SMARCA2: variants seen among roughly 807,000 people sequenced by gnomAD.
SMARCA2 encodes the protein SWI/SNF-related matrix-associated actin-dependent regulator of chromatin subfamily A member 2.
SMARCA2 carries 61 observed loss-of-function variants against 199.8 expected under a neutral mutation model. The ratio of observed to expected loss-of-function variants is 0.31; its 90% CI spans 0.25 to 0.38. The LOEUF (loss-of-function observed/expected upper bound fraction) is 0.38, where lower values mean the gene tolerates loss of function less well. SMARCA2 is among the 10% of genes least tolerant of loss of function. The pLI is 1.00. For missense variants in SMARCA2, 1,344 were observed against 2,012.2 expected, an observed-to-expected ratio of 0.67 and a Z score of 6.35; for synonymous variants, 935 against 732.0, an observed-to-expected ratio of 1.28 and a Z score of -4.48.
chr9:2,145,826 T>G (rs1164926727), intron 27 of SMARCA2, among the ~76,000 whole-genome samples: 1 of 152,052 alleles, frequency 6.6e-6, no homozygotes, highest in African/African-American at 2.4e-5. Flanking sequence ...GCATTATCTT[T>G]GTAAGAAGAA....
At chr9:2,134,111 A>T (rs979052864) in intron 27 of SMARCA2, among the ~76,000 whole-genome samples, 3 of 152,238 alleles carry the variant, frequency 2.0e-5, no homozygotes, top group Non-Finnish European at 2.9e-5. Context: ...ATTATTTCGA[A>T]GAAGACCTAA....
intron 33 of SMARCA2, 69 bp from the exon 34 acceptor site, chr9:2,192,635 T>G: frequency 9.2e-7 from 1 of 1,089,402 alleles, no homozygotes; most frequent in Non-Finnish European, 1.4e-6. Flanking sequence ...CTCTTGATGG[T>G]TTGTTGTTAT....
intron 19 of SMARCA2, among the ~76,000 whole-genome samples, chr9:2,089,482 AT>A (rs1346353545): frequency 1.3e-5 from 2 of 152,098 alleles, no homozygotes; most frequent in Non-Finnish European, 2.9e-5. Flanking sequence ...TTTTGGACAG[AT>A]TGGTTCATCC....
In SMARCA2 at chr9:2,176,030, G is replaced by A. The variant is rs147547679; in HGVS notation, c.4254-5541G>A. 1.3e-3 allele frequency among the ~76,000 whole-genome samples: 197 copies of A among 151,922 alleles called. 4 individuals are homozygous for A. In the East Asian group the frequency reaches 0.029, roughly 22 times the overall value. ...TGAGTAGCTGGGATTATAGCCATGC[G>A]CCACCATACTCGGCTAATTTTTTTA... is the stretch of plus-strand genomic sequence containing the variant. On this transcript the variant is annotated intron_variant, in intron 29 of 33. Coordinates refer to ENST00000349721, the MANE Select transcript of SMARCA2 (RefSeq NM_003070.5).
intron 29 of SMARCA2, among the ~76,000 whole-genome samples, chr9:2,174,124 C>T (rs1826405330): frequency 6.6e-6 from 1 of 152,138 alleles, no homozygotes; most frequent in Non-Finnish European, 1.5e-5. Flanking sequence ...GAATGCTTCC[C>T]CTTATCTTCC....
At chr9:2,070,574 T>C (rs1470023930) in intron 10 of SMARCA2, 103 bp downstream of exon 10, 8 of 795,614 alleles carry the variant, frequency 1.0e-5, no homozygotes, top group African/African-American at 1.7e-5. Flanking sequence ...TACTGTGCTA[T>C]TTATTTTAAG....
At chr9:2,183,553 C>T (rs1827208354) in intron 31 of SMARCA2, among the ~76,000 whole-genome samples, 2 of 152,240 alleles carry the variant, frequency 1.3e-5, no homozygotes, top group Admixed American at 6.5e-5. Context: ...TCAACCAATG[C>T]AGTGTCAAGC....
In SMARCA2 at chr9:2,110,179, C is replaced by G. The variant is rs1822934483; in HGVS notation, c.3293-75C>G. The G allele has an allele frequency of 1.7e-6, 2 of 1,211,792 alleles. No homozygotes were observed. The highest frequency in any genetic ancestry group is 3.1e-5 in the African/African-American group (2 of 65,360). The allele number at this position is 1,211,792 out of a possible 1,614,324, so 75.1% of individuals were successfully genotyped here. On this transcript the variant is annotated intron_variant, in intron 23 of 33. Transcript: ENST00000349721. The surrounding 1 kb of genome is among the most constrained non-coding windows in gnomAD (Gnocchi z 4.8). ...GTCTGGGTATATTTCTTGAAGGAAG[C>G]AAGCCTTTTTGTCTCATTCTGTGCC...
At chr9:2,065,700 A>AT (rs149603148) in intron 9 of SMARCA2, among the ~76,000 whole-genome samples, 8,122 of 151,972 alleles carry the variant, frequency 0.053, 602 homozygotes, top group African/African-American at 0.17. Context: ...GATTCTTCTC[A>AT]TTTTTTTTAA....
intron 1 of SMARCA2, among the ~76,000 whole-genome samples, chr9:2,025,581 C>T (rs138309951): frequency 1.2e-3 from 189 of 152,256 alleles, no homozygotes; most frequent in African/African-American, 4.3e-3. Context: ...TCTATTGTCT[C>T]ATTAGTGCTT....
At chr9:2,148,650 A>G (rs182766157) in intron 27 of SMARCA2, among the ~76,000 whole-genome samples, 5 of 151,322 alleles carry the variant, frequency 3.3e-5, no homozygotes, top group African/African-American at 1.2e-4. Context: ...TCTGAGACAC[A>G]CGCACATGCC....
At position 2,040,197 on chromosome 9, in the gene SMARCA2, A is replaced by G. The variant is rs116718506; in HGVS notation, c.790+297A>G. On this transcript the variant is annotated intron_variant, in intron 4 of 33. Transcript: ENST00000349721. ...GCGGTTCAAGGTTTCTTGGAAGCCC[A>G]TCCACACACACAAGGTTAAGAACCT... is the stretch of plus-strand genomic sequence containing the variant. 8.6e-4 allele frequency: 505 copies of G among 590,262 alleles called. 1 individual carries two copies. The highest frequency in any genetic ancestry group is 8.2e-3 in the African/African-American group (443 of 54,014). The allele number at this position is 590,262 out of a possible 1,614,324, so 36.6% of individuals were successfully genotyped here.
intron 27 of SMARCA2, among the ~76,000 whole-genome samples, chr9:2,136,108 G>A (rs1824183202): frequency 6.6e-6 from 1 of 151,776 alleles, no homozygotes; most frequent in Non-Finnish European, 1.5e-5. Flanking sequence ...CCAAAGTGCT[G>A]AGATTACAGG....
intron 27 of SMARCA2, among the ~76,000 whole-genome samples, chr9:2,124,947 C>A (rs758018278): frequency 1.3e-5 from 2 of 152,114 alleles, no homozygotes; most frequent in Non-Finnish European, 2.9e-5. Context: ...TGGGTAAAAA[C>A]CAAGCAAAAC....
At chr9:2,036,177 AGT>A (rs140964092) in intron 3 of SMARCA2, among the ~76,000 whole-genome samples, 4,396 of 147,164 alleles carry the variant, frequency 0.03, 125 homozygotes, top group African/African-American at 0.064. Flanking sequence ...ATATTTAAAT[AGT>A]GTGTGTGTGT....
intron 1 of SMARCA2, among the ~76,000 whole-genome samples, chr9:2,026,218 T>C (rs1484426085): frequency 6.6e-6 from 1 of 152,220 alleles, no homozygotes; most frequent in Non-Finnish European, 1.5e-5. Flanking sequence ...ATTAGTTATA[T>C]GGCACAGGGT....
chr9:2,142,539 G>A (rs1824514784), intron 27 of SMARCA2, among the ~76,000 whole-genome samples: 1 of 152,084 alleles, frequency 6.6e-6, no homozygotes, highest in African/African-American at 2.4e-5. Flanking sequence ...ATTTTGGTTT[G>A]GCCTGTTGAG....
chr9:2,065,351 T>C (rs1375417666), intron 9 of SMARCA2, among the ~76,000 whole-genome samples: 1 of 152,226 alleles, frequency 6.6e-6, no homozygotes, highest in African/African-American at 2.4e-5. Context: ...ATGATACTAA[T>C]GGGCACATAC....
Position 2,123,954 on chromosome 9 carries a change from T to C in SMARCA2, c.3981+17T>C, listed in dbSNP as rs949065375. ...TGGCTAAGGGTAAGCCTAGCTTTTC[T>C]AACCCGCTCTCACTAGGTGGAGGGT... is the stretch of plus-strand genomic sequence containing the variant. On this transcript the variant is annotated intron_variant, in intron 27 of 33. Coordinates refer to ENST00000349721, the MANE Select transcript of SMARCA2 (RefSeq NM_003070.5). This position sits in a 1 kb window ranked among gnomAD's most constrained non-coding sequence, Gnocchi z 4.1. The C allele has an allele frequency of 2.6e-6, 4 of 1,546,422 alleles. No homozygotes were observed. In the Admixed American group the frequency reaches 7.8e-5, roughly 30 times the overall value.
Sources: gnomAD v4.1 joint callset for allele counts (sites outside exome capture counted in the v4.1 genomes callset) on GRCh38, gnomAD v4.1.1 for gene constraint, Gnocchi (gnomAD v3.1) non-coding constraint, MANE v1.5 for transcripts, NCBI Gene and HGNC (gene_info 2026-07-23, HGNC 2026-07-21) for gene names.